Variants in NRXN1 observed in about 807,000 individuals in gnomAD.
The protein encoded by NRXN1 is neurexin 1.
Under a neutral mutation model 150.9 loss-of-function variants are expected in NRXN1, and 39 were observed. That is an observed-to-expected ratio of 0.26 (90% confidence interval 0.20 to 0.34). NRXN1 has a LOEUF of 0.34. NRXN1 is among the 10% of genes least tolerant of loss of function. NRXN1 has a pLI of 1.00. For synonymous variants in NRXN1, 924 were observed against 757.0 expected (o/e 1.22, Z -3.62); for missense variants, 1,815 against 1,949.9 (o/e 0.93, Z 1.30).
chr2:50,560,563 G>A (rs1668919508), intron 8 of NRXN1, among the ~76,000 whole-genome samples: 3 of 152,192 alleles, frequency 2.0e-5, no homozygotes, highest in South Asian at 2.1e-4. Context: ...CTCTGGAGTA[G>A]CTGGGACTAC....
chr2:50,356,560 C>G (rs577214634), intron 17 of NRXN1, among the ~76,000 whole-genome samples: 2 of 152,098 alleles, frequency 1.3e-5, no homozygotes, highest in Non-Finnish European at 2.9e-5. Flanking sequence ...ATGATTCCCC[C>G]GGAGAACTGT....
chr2:50,495,757 T>G, intron 15 of NRXN1, 148 bp downstream of exon 15: 2 of 558,596 alleles, frequency 3.6e-6, no homozygotes, highest in Non-Finnish European at 5.9e-6. Context: ...AGCAGAGGCT[T>G]GTGTGTTGTA....
intron 12 of NRXN1, among the ~76,000 whole-genome samples, chr2:50,507,381 A>G (rs907414917): frequency 1.1e-4 from 17 of 152,136 alleles, no homozygotes; most frequent in Non-Finnish European, 2.2e-4. Context: ...AAAGAAAAAA[A>G]AAAAATAGGC....
chr2:49,962,899 G>T (rs2104567685), intron 21 of NRXN1, among the ~76,000 whole-genome samples: 1 of 152,174 alleles, frequency 6.6e-6, no homozygotes, highest in South Asian at 2.1e-4. Flanking sequence ...ACAGCAGTGA[G>T]CTATGATCAT....
Position 50,059,660 on chromosome 2 carries a change from GTT to G in NRXN1, c.3719-4618_3719-4617del, listed in dbSNP as rs1694195881. Among the ~76,000 whole-genome samples the G allele has an allele frequency of 2.0e-5, 3 of 152,160 alleles. No homozygotes were observed. In the South Asian group the frequency reaches 6.2e-4, roughly 31 times the overall value. ...GCCAGGAGGCCTAGGAGGAAAAAAT[GTT>G]TTTGTGGGCTGAGCCCTGGGTCTTG... On this transcript the variant is annotated intron_variant, in intron 19 of 22. Coordinates refer to ENST00000401669, the MANE Select transcript of NRXN1 (RefSeq NM_001330078.2).
chr2:50,534,349 A>G (rs1254635522), intron 10 of NRXN1, among the ~76,000 whole-genome samples: 1 of 152,174 alleles, frequency 6.6e-6, no homozygotes, highest in Non-Finnish European at 1.5e-5. Context: ...ATGGTTAGGC[A>G]ATGCCCTAAG....
At chr2:50,811,059 G>T (rs141753270) in intron 5 of NRXN1, among the ~76,000 whole-genome samples, 1 of 152,154 alleles carries the variant, frequency 6.6e-6, no homozygotes, top group East Asian at 1.9e-4. Context: ...TAACCTAAAA[G>T]AATTATAGGG....
At chr2:50,489,205 G>A (rs2091083621) in intron 15 of NRXN1, among the ~76,000 whole-genome samples, 1 of 152,224 alleles carries the variant, frequency 6.6e-6, no homozygotes. Flanking sequence ...AAGCATGGAA[G>A]CCAAGGCCTG....
rs193228067 is a variant in NRXN1, at chr2:50,416,418, G to A, written c.3364+49024C>T. On this transcript the variant is annotated intron_variant, in intron 17 of 22. Transcript: ENST00000401669. ...CTTTGTGTTCCCTCTACCAGTCCCAGGTGACCTCCCCAAATATCCCTTTGG... is the reference window on the plus strand; with the variant it reads ...CTTTGTGTTCCCTCTACCAGTCCCAAGTGACCTCCCCAAATATCCCTTTGG... 3.9e-5 allele frequency among the ~76,000 whole-genome samples: 6 copies of A among 152,114 alleles called. No individual in the cohort carries two copies. The East Asian group carries it at 9.7e-4, about 25-fold the overall frequency.
At chr2:49,977,305 G>A (rs1679159276) in intron 21 of NRXN1, among the ~76,000 whole-genome samples, 1 of 152,116 alleles carries the variant, frequency 6.6e-6, no homozygotes, top group African/African-American at 2.4e-5. Context: ...ATTTGACAAT[G>A]TTTGGTGACA....
chr2:51,028,094 A>G lies in NRXN1; in HGVS notation c.180T>C (p.Thr60=). Residue 60 remains threonine, a synonymous_variant, in exon 2 of 23, where the codon ACT becomes ACC. Transcript: ENST00000401669. ...AGAGCACGAGGCCGCGGGCGCTGCG[A>G]GTCTTGAGCTGGAAGCTCATCTCGC... The part of the protein sequence containing the change: ...CESEMSFQLK[T]RSARGLVLYF... 6.3e-7 allele frequency: 1 copy of G among 1,583,256 alleles called. No individual in the cohort carries two copies. The highest frequency in any genetic ancestry group is 8.6e-7 in the Non-Finnish European group (1 of 1,167,612).
chr2:50,519,091 G>C (rs1040819647), intron 12 of NRXN1, among the ~76,000 whole-genome samples: 2 of 151,766 alleles, frequency 1.3e-5, no homozygotes, highest in African/African-American at 4.8e-5. Flanking sequence ...GTAGCATCTC[G>C]TGTCTTGCTT....
At chr2:50,100,955 T>C (rs1025170236) in intron 18 of NRXN1, among the ~76,000 whole-genome samples, 1 of 152,092 alleles carries the variant, frequency 6.6e-6, no homozygotes, top group Non-Finnish European at 1.5e-5. Flanking sequence ...GGTAATACTT[T>C]CCATTTGGAT....
intron 17 of NRXN1, among the ~76,000 whole-genome samples, chr2:50,242,040 C>A (rs918079892): frequency 6.6e-6 from 1 of 151,690 alleles, no homozygotes; most frequent in Non-Finnish European, 1.5e-5. Flanking sequence ...TTTTGAAAGC[C>A]TATAATTCTT....
chr2:50,536,140 A>G (rs903448068), intron 10 of NRXN1, among the ~76,000 whole-genome samples: 18 of 152,208 alleles, frequency 1.2e-4, no homozygotes, highest in African/African-American at 3.9e-4. Context: ...GCAGAAGCCA[A>G]ATTTTGTGGT....
intron 5 of NRXN1, among the ~76,000 whole-genome samples, chr2:50,767,203 T>C (rs573684073): frequency 7.8e-4 from 119 of 152,196 alleles, no homozygotes; most frequent in African/African-American, 2.7e-3. Flanking sequence ...ATGCCTTAAA[T>C]ACCATAGTTG....
At chr2:50,078,703 G>A (rs984326707) in intron 19 of NRXN1, among the ~76,000 whole-genome samples, 6 of 151,928 alleles carry the variant, frequency 3.9e-5, no homozygotes, top group African/African-American at 1.2e-4. Flanking sequence ...TTGGTTTGTC[G>A]TAGTTAGATG....
chr2:50,874,399 A>G (rs942886313), intron 5 of NRXN1, among the ~76,000 whole-genome samples: 8 of 151,828 alleles, frequency 5.3e-5, no homozygotes, highest in African/African-American at 1.4e-4. Context: ...GCATTTTTCC[A>G]TCTCTTTTTT....
chr2:50,843,684 T>C (rs1229255986), intron 5 of NRXN1, among the ~76,000 whole-genome samples: 3 of 152,198 alleles, frequency 2.0e-5, no homozygotes, highest in African/African-American at 2.4e-5. Flanking sequence ...ACATTTACTA[T>C]TTCATTGCTC....
Sources: allele counts gnomAD v4.1 joint callset (sites outside exome capture counted in the v4.1 genomes callset), GRCh38; gene constraint gnomAD v4.1.1; transcripts MANE v1.5; gene names NCBI Gene and HGNC (gene_info 2026-07-23, HGNC 2026-07-21).